The following OTUD7A variants were observed in gnomAD, a reference collection of about 807,000 sequenced individuals.
OTUD7A encodes OTU domain-containing protein 7A.
Under a neutral mutation model 65.7 loss-of-function variants are expected in OTUD7A, and 12 were observed. The observed-to-expected ratio is 0.18, with a 90% confidence interval of 0.12 to 0.30. The LOEUF (loss-of-function observed/expected upper bound fraction) is 0.30, where lower values mean the gene tolerates loss of function less well. OTUD7A is among the 10% of genes least tolerant of loss of function. OTUD7A has a pLI of 1.00. For synonymous variants in OTUD7A, 641 were observed against 586.3 expected (o/e 1.09, Z -1.35); for missense variants, 1,148 against 1,304.8 (o/e 0.88, Z 1.85).
chr15:31,661,728 A>G (rs1230834482), intron 1 of OTUD7A, among the ~76,000 whole-genome samples: 1 of 152,230 alleles, frequency 6.6e-6, no homozygotes, highest in Non-Finnish European at 1.5e-5. Context: ...AAAAATAACA[A>G]AAATTCTTCA....
intron 1 of OTUD7A, among the ~76,000 whole-genome samples, chr15:31,839,887 G>C (rs1897143301): frequency 6.6e-6 from 1 of 152,050 alleles, no homozygotes; most frequent in Non-Finnish European, 1.5e-5. Context: ...GATACTGTGG[G>C]CACTCACTTA....
chr15:31,620,775 G>C (rs1427118994), intron 3 of OTUD7A, among the ~76,000 whole-genome samples: 2 of 105,002 alleles, frequency 1.9e-5, no homozygotes, highest in Admixed American at 1.9e-4. Flanking sequence ...CTTCAGTTCT[G>C]CTCTGATTTT....
chr15:31,725,134 G>A (rs978204383), intron 1 of OTUD7A, among the ~76,000 whole-genome samples: 1 of 152,132 alleles, frequency 6.6e-6, no homozygotes, highest in Non-Finnish European at 1.5e-5. Context: ...AGAAAGCTGC[G>A]AGCTTGCAAG....
chr15:31,641,834 C>T (rs1381997895), intron 3 of OTUD7A, among the ~76,000 whole-genome samples: 1 of 152,188 alleles, frequency 6.6e-6, no homozygotes, highest in Non-Finnish European at 1.5e-5. Flanking sequence ...AGATATTCTA[C>T]ATATGTCATC....
chr15:31,684,068 A>G (rs1892782007), intron 1 of OTUD7A, among the ~76,000 whole-genome samples: 1 of 152,272 alleles, frequency 6.6e-6, no homozygotes, highest in Admixed American at 6.5e-5. Flanking sequence ...AATTGATTTC[A>G]ACAAAGAAAA....
At chr15:31,588,874 G>C (rs1351139987) in intron 3 of OTUD7A, among the ~76,000 whole-genome samples, 2 of 152,332 alleles carry the variant, frequency 1.3e-5, no homozygotes, top group Admixed American at 1.3e-4. Flanking sequence ...CTACTCAGAG[G>C]GGAGGAGGGC....
intron 1 of OTUD7A, among the ~76,000 whole-genome samples, chr15:31,829,322 G>A (rs1182412229): frequency 6.6e-6 from 1 of 152,174 alleles, no homozygotes; most frequent in Admixed American, 6.5e-5. Context: ...GTAAGGAACA[G>A]GTTCCAGACA....
At chr15:31,864,301 A>G (rs568705002) in intron 1 of OTUD7A, among the ~76,000 whole-genome samples, 1 of 152,224 alleles carries the variant, frequency 6.6e-6, no homozygotes, top group Admixed American at 6.5e-5. Context: ...CTTTTCAGCA[A>G]TGCCCCACTC....
intron 1 of OTUD7A, among the ~76,000 whole-genome samples, chr15:31,724,250 C>G (rs1174203903): frequency 6.6e-6 from 1 of 152,174 alleles, no homozygotes; most frequent in Admixed American, 6.5e-5. Context: ...GAAATAAAAT[C>G]TGTGCTGTTT....
intron 10 of OTUD7A, among the ~76,000 whole-genome samples, chr15:31,488,866 A>G (rs2041278145): frequency 6.6e-6 from 1 of 152,238 alleles, no homozygotes; most frequent in South Asian, 2.1e-4. Context: ...AGGGAAATGC[A>G]GCTTTGCTGA....
chr15:31,537,066 A>C (rs867543599), intron 5 of OTUD7A, among the ~76,000 whole-genome samples: 8 of 152,322 alleles, frequency 5.3e-5, no homozygotes, highest in Admixed American at 2.6e-4. Flanking sequence ...AATTTTAATA[A>C]AAGGTGTTGT....
At chr15:31,621,803 C>T (rs12324746) in intron 3 of OTUD7A, among the ~76,000 whole-genome samples, 36,287 of 140,994 alleles carry the variant, frequency 0.26, 5,834 homozygotes, top group African/African-American at 0.43. Context: ...TCTGATACTG[C>T]CATTATGATG....
intron 4 of OTUD7A, among the ~76,000 whole-genome samples, chr15:31,561,695 T>C (rs969256007): frequency 4.6e-5 from 7 of 152,112 alleles, no homozygotes; most frequent in African/African-American, 1.7e-4. Context: ...GAAGATCATA[T>C]AAAATGAGAA....
intron 5 of OTUD7A, among the ~76,000 whole-genome samples, chr15:31,537,027 C>G (rs1022783513): frequency 6.6e-6 from 1 of 151,820 alleles, no homozygotes; most frequent in African/African-American, 2.4e-5. Context: ...TCAGATATAC[C>G]CCATAAATTT....
At chr15:31,856,773 C>T (rs1365923470) in intron 1 of OTUD7A, among the ~76,000 whole-genome samples, 1 of 152,212 alleles carries the variant, frequency 6.6e-6, no homozygotes, top group African/African-American at 2.4e-5. Flanking sequence ...TGGTATGCTC[C>T]CTAAAAAGGA....
At chr15:31,722,522 TG>T (rs1393392852) in intron 1 of OTUD7A, among the ~76,000 whole-genome samples, 2 of 152,240 alleles carry the variant, frequency 1.3e-5, no homozygotes, top group African/African-American at 4.8e-5. Context: ...CACAGCCACG[TG>T]GCATGGAGTG....
intron 3 of OTUD7A, among the ~76,000 whole-genome samples, chr15:31,606,227 T>C (rs1890235698): frequency 6.6e-6 from 1 of 152,208 alleles, no homozygotes; most frequent in African/African-American, 2.4e-5. Flanking sequence ...TTGTGAAACT[T>C]TGTTTAACTA....
intron 8 of OTUD7A, among the ~76,000 whole-genome samples, chr15:31,505,657 A>G (rs1433593617): frequency 6.6e-6 from 1 of 152,128 alleles, no homozygotes; most frequent in African/African-American, 2.4e-5. Flanking sequence ...AGTGGTAGAG[A>G]TAAGTTTTTG....
At chr15:31,598,983 A>T (rs894470092) in intron 3 of OTUD7A, among the ~76,000 whole-genome samples, 2 of 150,986 alleles carry the variant, frequency 1.3e-5, no homozygotes, top group South Asian at 2.1e-4. Context: ...GGGCATCTCT[A>T]AAAAAAAAGG....
Sources: allele counts gnomAD v4.1 joint callset (sites outside exome capture counted in the v4.1 genomes callset), GRCh38; gene constraint gnomAD v4.1.1; transcripts MANE v1.5; gene names NCBI Gene and HGNC (gene_info 2026-07-23, HGNC 2026-07-21).